Variants in PDE11A observed in about 807,000 individuals in gnomAD.
PDE11A encodes the protein dual 3',5'-cyclic-AMP and -GMP phosphodiesterase 11A.
PDE11A carries 100 observed loss-of-function variants against 100.5 expected under a neutral mutation model. The observed-to-expected ratio is 1.00, with a 90% CI of 0.85 to 1.18. PDE11A has a LOEUF of 1.18. Among genes scored for constraint, PDE11A ranks in the 50% most tolerant of loss-of-function variants. The probability of loss-of-function intolerance (pLI) is 0.00; values close to 1 mark genes in which losing one functional copy is unlikely to be tolerated. For synonymous variants in PDE11A, 381 were observed against 420.8 expected (o/e 0.91, Z 1.16); for missense variants, 1,141 against 1,152.6 (o/e 0.99, Z 0.15).
At chr2:177,711,993 T>C (rs2081365882) in intron 12 of PDE11A, 115 bp from the exon 13 acceptor site, 1 of 658,886 alleles carries the variant, frequency 1.5e-6, no homozygotes, top group Non-Finnish European at 2.8e-6. Flanking sequence ...AAGGAGATGA[T>C]TAACTGCCAC....
chr2:178,080,610 G>C (rs768675066), intron 2 of PDE11A, among the ~76,000 whole-genome samples: 1 of 152,142 alleles, frequency 6.6e-6, no homozygotes, highest in Non-Finnish European at 1.5e-5. Flanking sequence ...CTTCTTAATT[G>C]CCATGCCTTT....
intron 4 of PDE11A, among the ~76,000 whole-genome samples, chr2:177,893,730 G>A (rs1186642655): frequency 6.6e-6 from 1 of 152,152 alleles, no homozygotes; most frequent in Non-Finnish European, 1.5e-5. Flanking sequence ...CATCAGAGGT[G>A]ATGAAGACTG....
chr2:177,816,805 A>G, intron 9 of PDE11A, 24 bp downstream of exon 9: 1 of 1,356,278 alleles, frequency 7.4e-7, no homozygotes, highest in Non-Finnish European at 1.1e-6. Context: ...CAGCATACAA[A>G]CCTGACATAA....
chr2:178,103,411 G>A (rs1033253340), intron 2 of PDE11A, among the ~76,000 whole-genome samples: 9 of 151,962 alleles, frequency 5.9e-5, no homozygotes, highest in African/African-American at 1.9e-4. Context: ...GTTCTGGAGT[G>A]ATAAAAAAGT....
chr2:177,731,962 T>C (rs1322549174), intron 10 of PDE11A, among the ~76,000 whole-genome samples: 1 of 152,232 alleles, frequency 6.6e-6, no homozygotes, highest in African/African-American at 2.4e-5. Context: ...TTTGTTTTAA[T>C]AGGGCATGGG....
At chr2:177,629,631 C>A (rs1385207040) in intron 19 of PDE11A, 69 bp from the exon 20 acceptor site, 2 of 1,513,358 alleles carry the variant, frequency 1.3e-6, no homozygotes, top group Non-Finnish European at 1.8e-6. Context: ...GATTTTCCAC[C>A]TTTCACTTAT....
chr2:178,083,160 C>T (rs559389040), intron 2 of PDE11A, among the ~76,000 whole-genome samples: 44 of 147,306 alleles, frequency 3.0e-4, no homozygotes, highest in Non-Finnish European at 4.6e-4. Flanking sequence ...AGTGCAGTGG[C>T]GCAATCTCAG....
intron 6 of PDE11A, among the ~76,000 whole-genome samples, chr2:177,829,129 G>A (rs2083270201): frequency 6.6e-6 from 1 of 151,862 alleles, no homozygotes; most frequent in South Asian, 2.1e-4. Flanking sequence ...TACTTTTTTT[G>A]ACATAAGCAT....
intron 10 of PDE11A, among the ~76,000 whole-genome samples, chr2:177,758,228 C>T (rs1306224513): frequency 7.3e-6 from 1 of 137,724 alleles, no homozygotes; most frequent in Non-Finnish European, 1.5e-5. Context: ...ACCCGGGATG[C>T]GGAGCTTGCA....
chr2:177,894,738 C>A (rs531132146), intron 4 of PDE11A, among the ~76,000 whole-genome samples: 1 of 152,306 alleles, frequency 6.6e-6, no homozygotes, highest in South Asian at 2.1e-4. Flanking sequence ...TGCAGGCCAC[C>A]AATCTTGCTA....
chr2:177,835,237 C>A (rs1434400545), intron 6 of PDE11A, among the ~76,000 whole-genome samples: 1 of 152,168 alleles, frequency 6.6e-6, no homozygotes, highest in African/African-American at 2.4e-5. Flanking sequence ...GCTGGGAAGA[C>A]AAAGGAATTA....
At chr2:178,051,561 C>A (rs1439285022) in intron 1 of PDE11A, among the ~76,000 whole-genome samples, 7 of 152,124 alleles carry the variant, frequency 4.6e-5, no homozygotes, top group African/African-American at 1.7e-4. Context: ...CACAGACTGG[C>A]AAATTGGATA....
At chr2:177,643,749 A>C (rs2080180357) in intron 19 of PDE11A, among the ~76,000 whole-genome samples, 1 of 152,184 alleles carries the variant, frequency 6.6e-6, no homozygotes, top group Non-Finnish European at 1.5e-5. Flanking sequence ...ACAGGCCCAG[A>C]GTCCTAGGAA....
chr2:177,998,705 G>C, intron 2 of PDE11A: 1 of 1,072,430 alleles, frequency 9.3e-7, no homozygotes, highest in South Asian at 1.3e-5. Flanking sequence ...CTTTATGCTG[G>C]CCCACTCGCT....
chr2:177,968,952 T>C (rs945926151), intron 2 of PDE11A, among the ~76,000 whole-genome samples: 7 of 152,212 alleles, frequency 4.6e-5, no homozygotes, highest in Admixed American at 3.9e-4. Flanking sequence ...CATTCTACTA[T>C]AAGAACACAT....
chr2:178,106,079 T>C (rs1476280704), intron 1 of PDE11A, among the ~76,000 whole-genome samples: 1 of 152,222 alleles, frequency 6.6e-6, no homozygotes, highest in African/African-American at 2.4e-5. Flanking sequence ...AACGTTTGTG[T>C]TATTCTGCCA....
chr2:177,836,052 T>A (rs1440325548), intron 6 of PDE11A, among the ~76,000 whole-genome samples: 1 of 152,146 alleles, frequency 6.6e-6, no homozygotes, highest in Non-Finnish European at 1.5e-5. Context: ...AGCTGATGAG[T>A]GTGGGCACAC....
chr2:177,666,729 T>C (rs138769652), intron 18 of PDE11A, among the ~76,000 whole-genome samples: 133 of 50,924 alleles, frequency 2.6e-3, no homozygotes, highest in African/African-American at 5.3e-3. Flanking sequence ...ATCCTTTGCC[T>C]ATCTTTTAAA....
Position 177,647,014 on chromosome 2 carries a change from A to G in PDE11A, c.2646+16852T>C, listed in dbSNP as rs561073445. Among the ~76,000 whole-genome samples the G allele has an allele frequency of 2.6e-5, 4 of 152,282 alleles. No individual in the cohort carries two copies. In the South Asian group the frequency reaches 8.3e-4, roughly 32 times the overall value. ...ATCAATCATGTTCATTGTGTAGGCAACTTCTGACTTGGAAGGAATGGCTGC... is the reference window on the plus strand; with the variant it reads ...ATCAATCATGTTCATTGTGTAGGCAGCTTCTGACTTGGAAGGAATGGCTGC... On this transcript the variant is annotated intron_variant, in intron 19 of 19. Transcript: ENST00000286063.
Sources: gnomAD v4.1 joint callset for allele counts (sites outside exome capture counted in the v4.1 genomes callset) on GRCh38, gnomAD v4.1.1 for gene constraint, MANE v1.5 for transcripts, NCBI Gene and HGNC (gene_info 2026-07-23, HGNC 2026-07-21) for gene names.